The following UMAD1 variants were observed in gnomAD, a reference collection of about 807,000 sequenced individuals.
The protein encoded by UMAD1 is UBAP1-MVB12-associated (UMA)-domain containing protein 1.
UMAD1 carries 8 observed loss-of-function variants against 6.1 expected under a neutral mutation model. The observed-to-expected ratio is 1.30, with a 90% CI of 0.76 to 2.35. The LOEUF is 2.35. Among genes scored for constraint, UMAD1 ranks in the 30% most tolerant of loss-of-function variants. UMAD1 has a pLI of 0.00. For synonymous variants in UMAD1, 56 were observed against 31.4 expected, an observed-to-expected ratio of 1.78 and a Z score of -2.61; for missense variants, 130 against 78.4, an observed-to-expected ratio of 1.66 and a Z score of -2.49.
chr7:7,820,672 T>A (rs998183281), intron 3 of UMAD1, among the ~76,000 whole-genome samples: 3 of 152,150 alleles, frequency 2.0e-5, no homozygotes. Flanking sequence ...AAAGAGCTTG[T>A]TAGCCTGGAA....
intron 1 of UMAD1, among the ~76,000 whole-genome samples, chr7:7,661,302 T>C (rs1159019619): frequency 1.3e-5 from 2 of 152,216 alleles, no homozygotes; most frequent in East Asian, 1.9e-4. Context: ...TACCCATCTC[T>C]GAAGCCTCCT....
intron 1 of UMAD1, among the ~76,000 whole-genome samples, chr7:7,653,170 C>G (rs536090037): frequency 3.9e-5 from 6 of 152,284 alleles, no homozygotes; most frequent in African/African-American, 1.4e-4. Flanking sequence ...AAATGCAACA[C>G]CAAATGAAGT....
intron 3 of UMAD1, among the ~76,000 whole-genome samples, chr7:7,854,046 T>C (rs1335876828): frequency 6.6e-6 from 1 of 151,990 alleles, no homozygotes; most frequent in Non-Finnish European, 1.5e-5. Flanking sequence ...ATACCTGAGA[T>C]TGGACAATTT....
intron 1 of UMAD1, among the ~76,000 whole-genome samples, chr7:7,666,477 G>C (rs1444882320): frequency 6.6e-6 from 1 of 151,986 alleles, no homozygotes; most frequent in Non-Finnish European, 1.5e-5. Context: ...CAAAGTACTG[G>C]AATTACAGAT....
At chr7:7,843,087 G>T (rs1783713723) in intron 3 of UMAD1, among the ~76,000 whole-genome samples, 1 of 152,206 alleles carries the variant, frequency 6.6e-6, no homozygotes, top group Non-Finnish European at 1.5e-5. Context: ...ACAAATTTAA[G>T]AATCTAGTTA....
intron 3 of UMAD1, among the ~76,000 whole-genome samples, chr7:7,868,796 C>G (rs567820117): frequency 6.6e-6 from 1 of 152,272 alleles, no homozygotes; most frequent in East Asian, 1.9e-4. Flanking sequence ...CCCCTAATTT[C>G]TGTATCAGTG....
chr7:7,749,387 A>G (rs189562033), intron 2 of UMAD1, among the ~76,000 whole-genome samples: 3 of 152,266 alleles, frequency 2.0e-5, no homozygotes, highest in African/African-American at 7.2e-5. Flanking sequence ...CGTGAAAGCT[A>G]TGTGTCTTCT....
chr7:7,811,149 C>A (rs376357050), intron 3 of UMAD1, among the ~76,000 whole-genome samples: 3 of 152,144 alleles, frequency 2.0e-5, no homozygotes, highest in East Asian at 3.8e-4. Flanking sequence ...TTCTTTTTAT[C>A]TATGATGCTG....
At chr7:7,703,457 A>C (rs1227181825) in intron 2 of UMAD1, among the ~76,000 whole-genome samples, 2 of 152,232 alleles carry the variant, frequency 1.3e-5, no homozygotes, top group African/African-American at 4.8e-5. Flanking sequence ...AATAAAAAGA[A>C]AACTAAATTT....
At chr7:7,661,414 T>C (rs2093753952) in intron 1 of UMAD1, among the ~76,000 whole-genome samples, 1 of 152,180 alleles carries the variant, frequency 6.6e-6, no homozygotes, top group South Asian at 2.1e-4. Flanking sequence ...TTTTCCGCCT[T>C]TTTGCGCTGG....
intron 2 of UMAD1, among the ~76,000 whole-genome samples, chr7:7,797,760 C>T (rs1342127968): frequency 6.6e-6 from 1 of 151,182 alleles, no homozygotes; most frequent in Non-Finnish European, 1.5e-5. Context: ...GTGATCTTGG[C>T]TGACTGCAAC....
chr7:7,825,986 A>G (rs1563237968), intron 3 of UMAD1, among the ~76,000 whole-genome samples: 1 of 152,166 alleles, frequency 6.6e-6, no homozygotes, highest in Non-Finnish European at 1.5e-5. Flanking sequence ...AAAAGTTAAT[A>G]TAATGTAAAC....
In UMAD1 at chr7:7,793,816, A is replaced by G. The variant is rs80157877; in HGVS notation, c.83-7854A>G. 2.2e-3 allele frequency among the ~76,000 whole-genome samples: 331 copies of G among 152,372 alleles called. 11 individuals are homozygous for G. The East Asian group carries it at 0.055, about 25-fold the overall frequency. ...TTCCGAAGAGTCAGATGAAAAGAAT[A>G]TATTTTATAACCAAATTTAACTTTA... On this transcript the variant is annotated intron_variant, in intron 2 of 3. Transcript: ENST00000682710.
intron 3 of UMAD1, among the ~76,000 whole-genome samples, chr7:7,849,789 C>G (rs187104321): frequency 9.0e-4 from 103 of 114,980 alleles, no homozygotes; most frequent in African/African-American, 4.4e-3. Flanking sequence ...ATTGAAACAG[C>G]AGTGTAGAGA....
chr7:7,727,292 A>G (rs1781158714), intron 2 of UMAD1, among the ~76,000 whole-genome samples: 1 of 152,210 alleles, frequency 6.6e-6, no homozygotes, highest in Non-Finnish European at 1.5e-5. Context: ...ATCATGAGAC[A>G]TAAGATTTAT....
chr7:7,776,497 C>T lies in UMAD1; in HGVS notation c.83-25173C>T, dbSNP rs77113557. 3.2e-3 allele frequency among the ~76,000 whole-genome samples: 480 copies of T among 152,172 alleles called. 14 individuals are homozygous for T. In the East Asian group the frequency reaches 0.065, roughly 21 times the overall value. ...GTAAACCATGGGGAAAACTAGGTGA[C>T]GGGCACACAGGAATTTTCAGTGTTG... On this transcript the variant is annotated intron_variant, in intron 2 of 3. Coordinates refer to ENST00000682710, the MANE Select transcript of UMAD1 (RefSeq NM_001302348.2).
chr7:7,830,649 C>A lies in UMAD1; in HGVS notation c.156+28906C>A, dbSNP rs972397423. 6.6e-6 allele frequency among the ~76,000 whole-genome samples: 1 copy of A among 152,106 alleles called. No individual in the cohort carries two copies. Among genetic ancestry groups the A allele is most frequent in the Non-Finnish European group, 1.5e-5 (1 of 68,020 alleles). ...ATGTTTTGGTTCATTTTCCTTGTCC[C>A]AGACTTTCTATTTCAATGGTTTTCT... On this transcript the variant is annotated intron_variant, in intron 3 of 3. Coordinates refer to ENST00000682710, the MANE Select transcript of UMAD1 (RefSeq NM_001302348.2). This position sits in a 1 kb window ranked among gnomAD's most constrained non-coding sequence, Gnocchi z 5.3.
chr7:7,839,834 G>A (rs187246078), intron 3 of UMAD1, among the ~76,000 whole-genome samples: 29 of 152,284 alleles, frequency 1.9e-4, no homozygotes, highest in African/African-American at 7.0e-4. Context: ...ATCACATCTA[G>A]AGATTTATGA....
chr7:7,852,890 C>A (rs759992281), intron 3 of UMAD1, among the ~76,000 whole-genome samples: 2 of 152,176 alleles, frequency 1.3e-5, no homozygotes, highest in Non-Finnish European at 2.9e-5. Flanking sequence ...CCAGCAAGAC[C>A]TGTTTGTTCA....
Sources: allele counts gnomAD v4.1 joint callset (sites outside exome capture counted in the v4.1 genomes callset), GRCh38; gene constraint gnomAD v4.1.1; non-coding constraint Gnocchi (gnomAD v3.1); transcripts MANE v1.5; gene names NCBI Gene and HGNC (gene_info 2026-07-23, HGNC 2026-07-21).